Variants in ATXN10 observed in about 807,000 individuals in gnomAD.
ATXN10 encodes the protein ataxin-10.
Under a neutral mutation model 52.9 loss-of-function variants are expected in ATXN10, and 28 were observed. The ratio of observed to expected loss-of-function variants is 0.53; its 90% CI spans 0.39 to 0.73. The LOEUF (loss-of-function observed/expected upper bound fraction) is 0.73. Ranked by LOEUF, ATXN10 falls within the 30% of genes least tolerant of loss-of-function variation. ATXN10 has a pLI of 0.00. For synonymous variants in ATXN10, 226 were observed against 221.5 expected (o/e 1.02, Z -0.18); for missense variants, 565 against 577.0 (o/e 0.98, Z 0.21).
At position 45,728,688 on chromosome 22, in the gene ATXN10, A is replaced by G. The variant is rs1486555765; in HGVS notation, c.729-737A>G. Reference sequence around the variant, plus strand: ...GCAAATGTGCTAATTGATTTATGCTAGACAGATTGACCTATGTGTGATTCA... The same window carrying G: ...GCAAATGTGCTAATTGATTTATGCTGGACAGATTGACCTATGTGTGATTCA... On this transcript the variant is annotated intron_variant, in intron 6 of 11. Transcript: ENST00000252934. The surrounding 1 kb of genome is among the most constrained non-coding windows in gnomAD (Gnocchi z 4.3). Among the ~76,000 whole-genome samples the G allele has an allele frequency of 2.0e-5, 3 of 152,250 alleles. No homozygotes were observed. Among genetic ancestry groups the G allele is most frequent in the Admixed American group, 6.5e-5 (1 of 15,294 alleles).
In ATXN10 at chr22:45,816,113, C is replaced by T. The variant is rs1928452759; in HGVS notation, c.1237+9091C>T. Among the ~76,000 whole-genome samples the T allele has an allele frequency of 1.3e-5, 2 of 152,100 alleles. No homozygotes were observed. The highest frequency in any genetic ancestry group is 2.1e-4 in the South Asian group (1 of 4,802). On this transcript the variant is annotated intron_variant, in intron 10 of 11. Transcript: ENST00000252934. This position sits in a 1 kb window ranked among gnomAD's most constrained non-coding sequence, Gnocchi z 5.8. ...AAATACAAAAAAAAAATTCGCTAGG[C>T]GTGGTGGCACGCACCCTTAGTCCCA...
chr22:45,742,230 A>G (rs1449761156), intron 9 of ATXN10, among the ~76,000 whole-genome samples: 2 of 152,208 alleles, frequency 1.3e-5, no homozygotes, highest in African/African-American at 2.4e-5. Context: ...AATATAATCC[A>G]GAATTGCCAC....
At position 45,732,054 on chromosome 22, in the gene ATXN10, G is replaced by A. The variant is rs1177436366; in HGVS notation, c.894+2464G>A. Among the ~76,000 whole-genome samples, 2 of 151,170 alleles carry A rather than the reference G, an allele frequency of 1.3e-5. No individual in the cohort carries two copies. Among genetic ancestry groups the A allele is most frequent in the South Asian group, 4.1e-4 (2 of 4,828 alleles). Reference sequence around the variant, plus strand: ...TTAAAATATAGGTGATTTCAGTATTGTAGTGAGAAATTCCTGGTGTAACTT... The same window carrying A: ...TTAAAATATAGGTGATTTCAGTATTATAGTGAGAAATTCCTGGTGTAACTT... On this transcript the variant is annotated intron_variant, in intron 7 of 11. Transcript: ENST00000252934. The surrounding 1 kb of genome is among the most constrained non-coding windows in gnomAD (Gnocchi z 4.5).
intron 5 of ATXN10, among the ~76,000 whole-genome samples, chr22:45,706,344 G>A (rs913302548): frequency 2.6e-5 from 4 of 151,930 alleles, no homozygotes; most frequent in South Asian, 2.1e-4. Flanking sequence ...TGCTCTTTTC[G>A]GAGAACCAAC....
At chr22:45,692,279 G>A (rs1476166947) in intron 2 of ATXN10, among the ~76,000 whole-genome samples, 1 of 152,046 alleles carries the variant, frequency 6.6e-6, no homozygotes, top group African/African-American at 2.4e-5. Context: ...TAAGTTATCG[G>A]TGGTCTTTTG....
At chr22:45,676,583 G>A (rs1387153394) in intron 1 of ATXN10, 1 of 151,398 alleles carries the variant, frequency 6.6e-6, no homozygotes, top group Non-Finnish European at 1.5e-5. Flanking sequence ...GGGTTCAAGC[G>A]ATTCACCTGC....
chr22:45,703,868 T>A (rs897968124), intron 5 of ATXN10: 1 of 152,164 alleles, frequency 6.6e-6, no homozygotes, highest in African/African-American at 2.4e-5. Flanking sequence ...CATGACAGCC[T>A]CCCCTAGGAG....
rs9626435 is a variant in ATXN10 at position 45,742,801 on chromosome 22, A to G, written c.1173+2263A>G. On this transcript the variant is annotated intron_variant, in intron 9 of 11. Coordinates refer to ENST00000252934, the MANE Select transcript of ATXN10 (RefSeq NM_013236.4). ...AGTATATGGGCGCACCATTTTGGCA[A>G]TCCTCATCTTCAGGAGAGTGAGACT... Among the ~76,000 whole-genome samples, 494 of 151,292 alleles carry G rather than the reference A, an allele frequency of 3.3e-3. 2 individuals are homozygous for G. Among genetic ancestry groups the G allele is most frequent in the African/African-American group, 0.011 (442 of 41,100 alleles).
chr22:45,831,318 A>T (rs1436485762), intron 10 of ATXN10, among the ~76,000 whole-genome samples: 1 of 151,958 alleles, frequency 6.6e-6, no homozygotes, highest in Non-Finnish European at 1.5e-5. Context: ...ACCAATGTGT[A>T]CTCTTTAGTA....
rs574407285 is a variant in ATXN10, at chr22:45,807,394, A to C, written c.1237+372A>C. Among the ~76,000 whole-genome samples the C allele has an allele frequency of 2.6e-4, 40 of 152,284 alleles. No individual in the cohort carries two copies. In the East Asian group the frequency reaches 7.1e-3, roughly 27 times the overall value. ...ACTATGGCATATTGTTTTGCTATAG[A>C]GATTCTGAGTACCCAGTCTTTTGGA... On this transcript the variant is annotated intron_variant, in intron 10 of 11. Coordinates refer to ENST00000252934, the MANE Select transcript of ATXN10 (RefSeq NM_013236.4).
chr22:45,728,614 A>G lies in ATXN10; in HGVS notation c.729-811A>G, dbSNP rs1416987579. 1.3e-5 allele frequency among the ~76,000 whole-genome samples: 2 copies of G among 152,218 alleles called. No homozygotes were observed. Among genetic ancestry groups the G allele is most frequent in the East Asian group, 1.9e-4 (1 of 5,200 alleles). Reference sequence around the variant, plus strand: ...TTTAGATGTTCGTACCCTGTCTTCTATAGAAATTAGAATTATACGTATAAT... The same window carrying G: ...TTTAGATGTTCGTACCCTGTCTTCTGTAGAAATTAGAATTATACGTATAAT... On this transcript the variant is annotated intron_variant, in intron 6 of 11. Transcript: ENST00000252934. This position sits in a 1 kb window ranked among gnomAD's most constrained non-coding sequence, Gnocchi z 4.3.
At chr22:45,742,695 A>G (rs1332131343) in intron 9 of ATXN10, among the ~76,000 whole-genome samples, 3 of 152,180 alleles carry the variant, frequency 2.0e-5, no homozygotes, top group African/African-American at 7.2e-5. Flanking sequence ...TGTTAGGGTA[A>G]TTTGTTATGT....
At chr22:45,765,111 G>A (rs11090654) in intron 9 of ATXN10, among the ~76,000 whole-genome samples, 30,727 of 152,184 alleles carry the variant, frequency 0.2, 3,522 homozygotes, top group African/African-American at 0.29. Flanking sequence ...AAAGCAGCGT[G>A]AAGTATGCCC....
chr22:45,675,250 G>C (rs1488345737), intron 1 of ATXN10: 1 of 152,144 alleles, frequency 6.6e-6, no homozygotes, highest in Non-Finnish European at 1.5e-5. Flanking sequence ...GGGATCTCAG[G>C]ATCTCATTAC....
At chr22:45,714,731 T>G (rs886907890) in intron 5 of ATXN10, among the ~76,000 whole-genome samples, 2 of 152,194 alleles carry the variant, frequency 1.3e-5, no homozygotes, top group African/African-American at 2.4e-5. Context: ...GTAGATGAAT[T>G]AATCAGTCTT....
intron 7 of ATXN10, among the ~76,000 whole-genome samples, chr22:45,731,777 A>G (rs779688710): frequency 1.3e-5 from 2 of 152,044 alleles, no homozygotes; most frequent in Non-Finnish European, 2.9e-5. Flanking sequence ...GACCATTTTG[A>G]TATTGATTTT....
rs1925475147 is a variant in ATXN10, at chr22:45,740,612, CT to C, written c.1173+78del. On this transcript the variant is annotated intron_variant, in intron 9 of 11. Transcript: ENST00000252934. The stretch of plus-strand genomic sequence containing the variant: ...ATATAGTCCTTGGAAGACATTCACT[CT>C]TTTGGAGTGAAAGCTTGAGGTGCTT... The C allele has an allele frequency of 2.0e-6, 3 of 1,477,602 alleles. No individual in the cohort carries two copies. In the Admixed American group the frequency reaches 5.1e-5, roughly 25 times the overall value. The allele number at this position is 1,477,602 out of a possible 1,614,324, so 91.5% of individuals were successfully genotyped here.
At chr22:45,691,847 T>C (rs963190131) in intron 2 of ATXN10, among the ~76,000 whole-genome samples, 1 of 151,992 alleles carries the variant, frequency 6.6e-6, no homozygotes, top group Non-Finnish European at 1.5e-5. Context: ...GAGCCAAGAT[T>C]GGGCTACTGC....
intron 3 of ATXN10, 51 bp downstream of exon 3, chr22:45,693,129 A>G (rs1305691430): frequency 1.4e-5 from 20 of 1,460,318 alleles, no homozygotes; most frequent in Non-Finnish European, 1.9e-5. Flanking sequence ...AAAGGGTTCA[A>G]AACCAGTACT....
Sources: gnomAD v4.1 joint callset for allele counts (sites outside exome capture counted in the v4.1 genomes callset) on GRCh38, gnomAD v4.1.1 for gene constraint, Gnocchi (gnomAD v3.1) non-coding constraint, MANE v1.5 for transcripts, NCBI Gene and HGNC (gene_info 2026-07-23, HGNC 2026-07-21) for gene names.